The following B3GALT1 variants were observed in gnomAD, a reference collection of about 807,000 sequenced individuals.
B3GALT1 encodes UDP-Gal:betaGlcNAc beta 1,3-galactosyltransferase, polypeptide 1.
B3GALT1 carries 10 observed loss-of-function variants against 23.2 expected under a neutral mutation model. That is an observed-to-expected ratio of 0.43 (90% CI 0.27 to 0.73). B3GALT1 has a LOEUF of 0.73. Among genes scored for constraint, B3GALT1 ranks in the 30% least tolerant of loss-of-function variants. The probability of loss-of-function intolerance (pLI) is 0.21; values close to 1 mark genes in which losing one functional copy is unlikely to be tolerated. For synonymous variants in B3GALT1, 156 were observed against 141.5 expected (o/e 1.10, Z -0.73); for missense variants, 299 against 405.4 (o/e 0.74, Z 2.25).
intron 1 of B3GALT1, among the ~76,000 whole-genome samples, chr2:167,327,188 G>A (rs965979761): frequency 6.6e-6 from 1 of 152,064 alleles, no homozygotes; most frequent in East Asian, 1.9e-4. Context: ...GTCAGGTAGT[G>A]TGATGCTATT....
At chr2:167,792,211 A>G (rs1332608482) in intron 3 of B3GALT1, among the ~76,000 whole-genome samples, 3 of 152,198 alleles carry the variant, frequency 2.0e-5, no homozygotes, top group Non-Finnish European at 2.9e-5. Context: ...TTGAAACTTA[A>G]GCCCTCTTGA....
intron 3 of B3GALT1, among the ~76,000 whole-genome samples, chr2:167,672,123 G>A (rs1456762384): frequency 6.6e-6 from 1 of 151,990 alleles, no homozygotes; most frequent in Non-Finnish European, 1.5e-5. Flanking sequence ...ACTAAATAAT[G>A]TATTTGAAAA....
chr2:167,338,581 A>G (rs1697097329), intron 1 of B3GALT1, among the ~76,000 whole-genome samples: 1 of 152,114 alleles, frequency 6.6e-6, no homozygotes, highest in African/African-American at 2.4e-5. Flanking sequence ...TGCTACTCAT[A>G]TGAAAAAAAG....
At chr2:167,665,651 G>A (rs1281429465) in intron 3 of B3GALT1, among the ~76,000 whole-genome samples, 2 of 151,936 alleles carry the variant, frequency 1.3e-5, no homozygotes, top group Non-Finnish European at 2.9e-5. Context: ...TCCTGTTATT[G>A]GTCTATTCAG....
rs183676923 is a variant in B3GALT1 at position 167,634,858 on chromosome 2, C to T, written c.-409-12051C>T. On this transcript the variant is annotated intron_variant, in intron 2 of 4. Transcript: ENST00000392690. ...TCCTCCCTAACTCATTTTATGAGGC[C>T]AGCATCCTGATACCAAAACCTGGCA... 2.2e-3 allele frequency among the ~76,000 whole-genome samples: 337 copies of T among 152,168 alleles called. 1 individual carries two copies. Among genetic ancestry groups the T allele is most frequent in the Non-Finnish European group, 3.6e-3 (244 of 67,988 alleles).
At chr2:167,736,258 A>G (rs1288789241) in intron 3 of B3GALT1, among the ~76,000 whole-genome samples, 2 of 152,036 alleles carry the variant, frequency 1.3e-5, no homozygotes, top group Non-Finnish European at 2.9e-5. Context: ...AAGAAAAATG[A>G]CATGTCTGTA....
At chr2:167,494,336 C>CA (rs1217146193) in intron 2 of B3GALT1, among the ~76,000 whole-genome samples, 70 of 130,708 alleles carry the variant, frequency 5.4e-4, no homozygotes, top group African/African-American at 1.1e-3. Flanking sequence ...AGACTCCTCT[C>CA]AAAAAAAAAA....
At chr2:167,672,152 T>G (rs1463270593) in intron 3 of B3GALT1, among the ~76,000 whole-genome samples, 2 of 152,138 alleles carry the variant, frequency 1.3e-5, no homozygotes, top group Admixed American at 6.5e-5. Flanking sequence ...CTGAAATTTT[T>G]CAGAAAGTTT....
intron 1 of B3GALT1, among the ~76,000 whole-genome samples, chr2:167,370,385 AT>A (rs61389795): frequency 0.8 from 121,990 of 151,954 alleles, 50,929 homozygotes; most frequent in East Asian, 0.92. Flanking sequence ...TTCTTTGATG[AT>A]TTCATTCAAC....
intron 2 of B3GALT1, among the ~76,000 whole-genome samples, chr2:167,516,944 G>A (rs935083858): frequency 4.0e-5 from 4 of 100,012 alleles, no homozygotes; most frequent in East Asian, 1.2e-3. Flanking sequence ...AAGTACTTCT[G>A]TGTGTGTATA....
chr2:167,398,378 T>C (rs1017983596), intron 1 of B3GALT1, among the ~76,000 whole-genome samples: 2 of 152,124 alleles, frequency 1.3e-5, no homozygotes, highest in Non-Finnish European at 2.9e-5. Flanking sequence ...CTTCCCTTCA[T>C]TGATAGTGCT....
At chr2:167,704,456 T>C (rs186701817) in intron 3 of B3GALT1, among the ~76,000 whole-genome samples, 7 of 152,196 alleles carry the variant, frequency 4.6e-5, no homozygotes, top group Non-Finnish European at 8.8e-5. Flanking sequence ...TAAGCAGATA[T>C]ACACATATAT....
At chr2:167,628,439 C>T (rs1410348094) in intron 2 of B3GALT1, among the ~76,000 whole-genome samples, 2 of 151,648 alleles carry the variant, frequency 1.3e-5, no homozygotes, top group African/African-American at 2.4e-5. Context: ...TATATCTAAC[C>T]TCTACCCAAA....
intron 4 of B3GALT1, among the ~76,000 whole-genome samples, chr2:167,849,533 G>C (rs2105413196): frequency 6.6e-6 from 1 of 152,242 alleles, no homozygotes; most frequent in South Asian, 2.1e-4. Flanking sequence ...GCCACATGTA[G>C]GAAAACAAAA....
At chr2:167,668,426 A>T (rs921906313) in intron 3 of B3GALT1, among the ~76,000 whole-genome samples, 4 of 152,146 alleles carry the variant, frequency 2.6e-5, no homozygotes, top group Non-Finnish European at 5.9e-5. Flanking sequence ...CTGCCCCCAG[A>T]GGTGGAGCCT....
intron 2 of B3GALT1, among the ~76,000 whole-genome samples, chr2:167,636,247 G>A (rs1685551784): frequency 6.6e-6 from 1 of 151,804 alleles, no homozygotes; most frequent in Non-Finnish European, 1.5e-5. Flanking sequence ...TGGCAGGGCA[G>A]GAGCAGAGCA....
intron 1 of B3GALT1, among the ~76,000 whole-genome samples, chr2:167,314,953 C>G (rs1453031554): frequency 1.3e-5 from 2 of 152,120 alleles, no homozygotes. Flanking sequence ...TTTCATGGCT[C>G]AGCTCAATGT....
chr2:167,674,281 C>T (rs941164060), intron 3 of B3GALT1, among the ~76,000 whole-genome samples: 5 of 152,136 alleles, frequency 3.3e-5, no homozygotes, highest in Admixed American at 2.6e-4. Flanking sequence ...TTTATTTTAG[C>T]TTATTAATGG....
At position 167,861,700 on chromosome 2, in the gene B3GALT1, C is replaced by T. The variant is rs763985856; in HGVS notation, c.-229-7111C>T. On this transcript the variant is annotated intron_variant, in intron 4 of 4. Transcript: ENST00000392690. ...ATCCCACCTTTGTTTAGTCTCTATC[C>T]GATTATCCCCCTTACCACTACCTGA... 4.6e-5 allele frequency among the ~76,000 whole-genome samples: 7 copies of T among 152,180 alleles called. No individual in the cohort carries two copies. In the South Asian group the frequency reaches 1.2e-3, roughly 27 times the overall value.
Sources: allele counts gnomAD v4.1 joint callset (sites outside exome capture counted in the v4.1 genomes callset), GRCh38; gene constraint gnomAD v4.1.1; transcripts MANE v1.5; gene names NCBI Gene and HGNC (gene_info 2026-07-23, HGNC 2026-07-21).